CA12: variants seen among roughly 807,000 people sequenced by gnomAD.
The protein encoded by CA12 is carbonate dehydratase XII.
CA12 carries 36 observed loss-of-function variants against 46.8 expected under a neutral mutation model. The ratio of observed to expected loss-of-function variants is 0.77; its 90% confidence interval spans 0.59 to 1.02. The LOEUF is 1.02. Among genes scored for constraint, CA12 ranks in the 50% least tolerant of loss-of-function variants. The probability of loss-of-function intolerance (pLI) is 0.00; values close to 1 mark genes in which losing one functional copy is unlikely to be tolerated. For missense variants in CA12, 436 were observed against 451.4 expected (o/e 0.97, Z 0.31); for synonymous variants, 202 against 187.0 (o/e 1.08, Z -0.65).
At chr15:63,377,663 A>G (rs1373923794) in intron 1 of CA12, among the ~76,000 whole-genome samples, 8 of 152,248 alleles carry the variant, frequency 5.3e-5, no homozygotes, top group Admixed American at 3.3e-4. Context: ...CAAAAACCTC[A>G]GTTCCCTGAC....
At chr15:63,356,801 G>A (rs1043282505) in intron 2 of CA12, among the ~76,000 whole-genome samples, 1 of 152,116 alleles carries the variant, frequency 6.6e-6, no homozygotes, top group Non-Finnish European at 1.5e-5. Context: ...GAGCCAACAC[G>A]CCTGGCCTGA....
chr15:63,333,193 T>C (rs753021791), intron 8 of CA12, among the ~76,000 whole-genome samples: 38 of 152,194 alleles, frequency 2.5e-4, no homozygotes, highest in African/African-American at 2.7e-4. Context: ...CCCTACAGTT[T>C]TGGGGGCTGA....
chr15:63,344,875 C>T (rs2039125759), intron 4 of CA12, among the ~76,000 whole-genome samples: 1 of 152,108 alleles, frequency 6.6e-6, no homozygotes, highest in Non-Finnish European at 1.5e-5. Context: ...GGAGTAGCTT[C>T]TCAAGGCAAC....
Position 63,340,550 on chromosome 15 carries a change from A to G in CA12, c.590-105T>C, listed in dbSNP as rs2039065230. On this transcript the variant is annotated intron_variant, in intron 6 of 10. Coordinates refer to ENST00000178638, the MANE Select transcript of CA12 (RefSeq NM_001218.5). This position sits in a 1 kb window ranked among gnomAD's most constrained non-coding sequence, Gnocchi z 4.4. ...CTAGAAACATGAACTAGCCCCTTTCAGGGTCATCTAACCCCAGGACCTGGT... is the reference window on the plus strand; with the variant it reads ...CTAGAAACATGAACTAGCCCCTTTCGGGGTCATCTAACCCCAGGACCTGGT... 1 of 1,498,382 alleles carries G rather than the reference A, an allele frequency of 6.7e-7. No homozygotes were observed. Among genetic ancestry groups the G allele is most frequent in the Admixed American group, 1.7e-5 (1 of 59,542 alleles). The allele number at this position is 1,498,382 out of a possible 1,614,324, so 92.8% of individuals were successfully genotyped here.
rs534720368 is a variant in CA12 at position 63,348,094 on chromosome 15, G to A, written c.107-1385C>T. On this transcript the variant is annotated intron_variant, in intron 2 of 10. Transcript: ENST00000178638. The surrounding 1 kb of genome is among the most constrained non-coding windows in gnomAD (Gnocchi z 4.6). ...AAATGCTATGAGGCGTTGGTCCCAGGCTTAGTTAGTTCTTACTTCTAGGTC... is the reference window on the plus strand; with the variant it reads ...AAATGCTATGAGGCGTTGGTCCCAGACTTAGTTAGTTCTTACTTCTAGGTC... Among the ~76,000 whole-genome samples, 210 of 152,300 alleles carry A rather than the reference G, an allele frequency of 1.4e-3. 1 individual carries two copies. The highest frequency in any genetic ancestry group is 4.8e-3 in the African/African-American group (200 of 41,564).
chr15:63,359,511 G>A (rs548025749), intron 2 of CA12, among the ~76,000 whole-genome samples: 1 of 151,516 alleles, frequency 6.6e-6, no homozygotes, highest in Non-Finnish European at 1.5e-5. Context: ...CCATATATAT[G>A]TACACACACA....
At chr15:63,375,786 C>T in intron 1 of CA12, 108 bp from the exon 2 acceptor site, 1 of 758,240 alleles carries the variant, frequency 1.3e-6, no homozygotes. Flanking sequence ...AGGTCGATGC[C>T]CAGAAATTGA....
Position 63,340,930 on chromosome 15 carries a change from C to T in CA12, c.526-147G>A. 1.4e-6 allele frequency: 1 copy of T among 727,070 alleles called. No individual in the cohort carries two copies. Among genetic ancestry groups the T allele is most frequent in the Non-Finnish European group, 2.5e-6 (1 of 398,472 alleles). The allele number at this position is 727,070 out of a possible 1,614,324, so 45.0% of individuals were successfully genotyped here. On this transcript the variant is annotated intron_variant, in intron 5 of 10. Transcript: ENST00000178638. The surrounding 1 kb of genome is among the most constrained non-coding windows in gnomAD (Gnocchi z 4.4). The stretch of plus-strand genomic sequence containing the variant: ...TTTACTGGACAATTATGATGGATCA[C>T]TAGGCTCTTGGGAGTTAGTGTAATG...
At chr15:63,371,321 T>C (rs2039503439) in intron 2 of CA12, among the ~76,000 whole-genome samples, 1 of 152,158 alleles carries the variant, frequency 6.6e-6, no homozygotes, top group Non-Finnish European at 1.5e-5. Flanking sequence ...GACAATGTAT[T>C]ATCTGGGAGA....
chr15:63,377,506 CT>C (rs2039592688), intron 1 of CA12, among the ~76,000 whole-genome samples: 1 of 151,856 alleles, frequency 6.6e-6, no homozygotes, highest in East Asian at 1.9e-4. Context: ...CCGGTTTAAT[CT>C]CATATTTTTT....
intron 2 of CA12, among the ~76,000 whole-genome samples, chr15:63,347,815 G>A (rs545283127): frequency 9.4e-4 from 143 of 152,186 alleles, no homozygotes; most frequent in Non-Finnish European, 1.7e-3. Flanking sequence ...ATCAGAGCTG[G>A]GGATCAAGCT....
chr15:63,337,682 C>T (rs1342682577), intron 8 of CA12, among the ~76,000 whole-genome samples: 1 of 152,116 alleles, frequency 6.6e-6, no homozygotes, highest in Non-Finnish European at 1.5e-5. Context: ...GTCTCGAAAT[C>T]CTGACCTCAT....
In CA12 at chr15:63,330,660, C is replaced by T. The variant is rs150330291; in HGVS notation, c.875-2530G>A. Among the ~76,000 whole-genome samples the T allele has an allele frequency of 6.6e-6, 1 of 152,046 alleles. No individual in the cohort carries two copies. The highest frequency in any genetic ancestry group is 2.4e-5 in the African/African-American group (1 of 41,532). ...CTGGTCTTGGGGAGCTGAGCAAAGTCTATGGAGAGCAAGGCCCCAGCAAGG... is the reference window on the plus strand; with the variant it reads ...CTGGTCTTGGGGAGCTGAGCAAAGTTTATGGAGAGCAAGGCCCCAGCAAGG... On this transcript the variant is annotated intron_variant, in intron 8 of 10. Transcript: ENST00000178638. This position sits in a 1 kb window ranked among gnomAD's most constrained non-coding sequence, Gnocchi z 4.0.
At chr15:63,368,459 C>T (rs752804205) in intron 2 of CA12, among the ~76,000 whole-genome samples, 1 of 152,238 alleles carries the variant, frequency 6.6e-6, no homozygotes, top group African/African-American at 2.4e-5. Context: ...CTGACCTATT[C>T]TCTTCCTCAA....
chr15:63,365,154 C>T (rs537937679), intron 2 of CA12, among the ~76,000 whole-genome samples: 11 of 152,324 alleles, frequency 7.2e-5, no homozygotes, highest in South Asian at 2.1e-4. Context: ...CATGTCACAA[C>T]GAACAGTGTA....
At chr15:63,359,773 T>G (rs2152622746) in intron 2 of CA12, among the ~76,000 whole-genome samples, 1 of 152,328 alleles carries the variant, frequency 6.6e-6, no homozygotes, top group African/African-American at 2.4e-5. Flanking sequence ...TGTTTTAAAC[T>G]TGACCGCCAC....
Position 63,379,393 on chromosome 15 carries a change from C to T in CA12, c.85+2243G>A, listed in dbSNP as rs116445202. ...GTATGTGTGCGTGTGTGTGTGTGCA[C>T]GCGCACGAAAGTGTGCTTTATTCAG... On this transcript the variant is annotated intron_variant, in intron 1 of 10. Coordinates refer to ENST00000178638, the MANE Select transcript of CA12 (RefSeq NM_001218.5). Among the ~76,000 whole-genome samples, 789 of 152,200 alleles carry T rather than the reference C, an allele frequency of 5.2e-3. 8 individuals are homozygous for T. The highest frequency in any genetic ancestry group is 0.018 in the African/African-American group (751 of 41,512).
intron 2 of CA12, among the ~76,000 whole-genome samples, chr15:63,357,000 C>T (rs75138339): frequency 0.01 from 1,541 of 152,248 alleles, 24 homozygotes; most frequent in African/African-American, 0.035. Context: ...TATTGTTTAG[C>T]CGTAAAAAGG....
At chr15:63,375,237 G>T (rs758916039) in intron 2 of CA12, among the ~76,000 whole-genome samples, 1 of 152,224 alleles carries the variant, frequency 6.6e-6, no homozygotes, top group Non-Finnish European at 1.5e-5. Context: ...GACAGCTTAA[G>T]TTCTGGGACC....
Sources: gnomAD v4.1 joint callset for allele counts (sites outside exome capture counted in the v4.1 genomes callset) on GRCh38, gnomAD v4.1.1 for gene constraint, Gnocchi (gnomAD v3.1) non-coding constraint, MANE v1.5 for transcripts, NCBI Gene and HGNC (gene_info 2026-07-23, HGNC 2026-07-21) for gene names.